Variants in CADPS2 observed in about 807,000 individuals in gnomAD.
CADPS2 encodes calcium dependent secretion activator 2, also known as calcium-dependent secretion activator 2.
A neutral mutation model predicts 172.5 loss-of-function variants in CADPS2; 93 were observed. The ratio of observed to expected loss-of-function variants is 0.54; its 90% CI spans 0.46 to 0.64. The LOEUF (loss-of-function observed/expected upper bound fraction) is 0.64, where lower values mean the gene tolerates loss of function less well. CADPS2 is among the 30% of genes least tolerant of loss of function. The pLI is 0.00. For synonymous variants in CADPS2, 546 were observed against 555.2 expected (o/e 0.98, Z 0.23); for missense variants, 1,420 against 1,565.9 (o/e 0.91, Z 1.57).
chr7:122,852,820 G>T (rs574740603), intron 1 of CADPS2, among the ~76,000 whole-genome samples: 1 of 152,210 alleles, frequency 6.6e-6, no homozygotes, highest in East Asian at 1.9e-4. Flanking sequence ...GAAGCAATCC[G>T]ACTTCTGTTA....
intron 2 of CADPS2, among the ~76,000 whole-genome samples, chr7:122,699,469 G>A (rs562977353): frequency 4.8e-4 from 73 of 152,238 alleles, no homozygotes; most frequent in Non-Finnish European, 8.7e-4. Context: ...AAAAATTAGT[G>A]CAGTGACCGG....
At chr7:122,519,658 A>G (rs2060631060) in intron 8 of CADPS2, among the ~76,000 whole-genome samples, 1 of 152,022 alleles carries the variant, frequency 6.6e-6, no homozygotes, top group South Asian at 2.1e-4. Context: ...AATATATTCC[A>G]GTTTCATTCA....
chr7:122,468,235 T>C (rs994680956), intron 14 of CADPS2, among the ~76,000 whole-genome samples: 1 of 152,182 alleles, frequency 6.6e-6, no homozygotes, highest in Non-Finnish European at 1.5e-5. Context: ...AAAACGACTC[T>C]TTGAATATGT....
intron 8 of CADPS2, among the ~76,000 whole-genome samples, chr7:122,520,371 A>T (rs1199099203): frequency 6.6e-6 from 1 of 151,932 alleles, no homozygotes; most frequent in Non-Finnish European, 1.5e-5. Context: ...TTCATATGTA[A>T]TATTCTGATT....
chr7:122,393,095 A>G (rs1298784913), intron 22 of CADPS2, 101 bp downstream of exon 22: 4 of 1,353,174 alleles, frequency 3.0e-6, no homozygotes, highest in Non-Finnish European at 3.9e-6. Flanking sequence ...TCCTCAACCA[A>G]CGATGACAAA....
intron 11 of CADPS2, among the ~76,000 whole-genome samples, chr7:122,483,268 A>G (rs555229171): frequency 2.6e-4 from 40 of 152,360 alleles, no homozygotes; most frequent in South Asian, 1.4e-3. Context: ...GGAAAAAAGG[A>G]CATTATTTAT....
intron 8 of CADPS2, among the ~76,000 whole-genome samples, chr7:122,551,975 A>G (rs1288457296): frequency 6.6e-6 from 1 of 152,172 alleles, no homozygotes; most frequent in Non-Finnish European, 1.5e-5. Context: ...GCTATGCTGT[A>G]GGTGAAATGT....
intron 27 of CADPS2, among the ~76,000 whole-genome samples, chr7:122,351,368 G>C (rs529410089): frequency 1.2e-4 from 2 of 17,056 alleles, no homozygotes; most frequent in African/African-American, 1.0e-3. Flanking sequence ...GCGAGACTCC[G>C]TCTCAAAAAA....
intron 12 of CADPS2, among the ~76,000 whole-genome samples, chr7:122,480,298 T>A (rs550803981): frequency 1.2e-4 from 7 of 58,102 alleles, no homozygotes; most frequent in African/African-American, 3.5e-4. Flanking sequence ...GATTTTATAA[T>A]TTTTTTTTTA....
rs2032014824 is a variant in CADPS2 at position 122,319,831 on chromosome 7, T to C, written c.*334A>G. 1 of 213,830 alleles carries C rather than the reference T, an allele frequency of 4.7e-6. No individual in the cohort carries two copies. The allele number at this position is 213,830 out of a possible 1,614,324, so 13.2% of individuals were successfully genotyped here. On this transcript the variant is annotated 3_prime_UTR_variant, in exon 30 of 30. Coordinates refer to ENST00000449022, the MANE Select transcript of CADPS2 (RefSeq NM_017954.11). ...CTTTACACAGAAAACATCATTTTGA[T>C]GTGATTACAGAAAAATGCTCAAATC...
chr7:122,773,113 T>C (rs1324335833), intron 1 of CADPS2, among the ~76,000 whole-genome samples: 2 of 152,106 alleles, frequency 1.3e-5, no homozygotes, highest in Non-Finnish European at 2.9e-5. Context: ...AAATGTCCAA[T>C]TGTTCTAGTA....
intron 1 of CADPS2, among the ~76,000 whole-genome samples, chr7:122,857,128 C>G (rs1400344875): frequency 6.6e-6 from 1 of 151,998 alleles, no homozygotes; most frequent in Admixed American, 6.6e-5. Context: ...GGATACAATG[C>G]TAAGGGAAAA....
At chr7:122,449,119 T>G (rs1276409512) in intron 15 of CADPS2, among the ~76,000 whole-genome samples, 1 of 152,058 alleles carries the variant, frequency 6.6e-6, no homozygotes, top group Non-Finnish European at 1.5e-5. Flanking sequence ...TTTAAAACAG[T>G]TGGAGGCAGG....
intron 2 of CADPS2, among the ~76,000 whole-genome samples, chr7:122,709,997 T>C (rs926800613): frequency 6.9e-6 from 1 of 145,724 alleles, no homozygotes; most frequent in Non-Finnish European, 1.5e-5. Context: ...GCATGGCACA[T>C]ATGTAACTAA....
chr7:122,381,589 G>C (rs1194488778), intron 24 of CADPS2, among the ~76,000 whole-genome samples: 1 of 152,076 alleles, frequency 6.6e-6, no homozygotes, highest in Non-Finnish European at 1.5e-5. Context: ...TTAAAATCAA[G>C]GGACGAGCCA....
intron 28 of CADPS2, among the ~76,000 whole-genome samples, chr7:122,340,855 TAAAA>T (rs5887084): frequency 6.5e-4 from 90 of 137,780 alleles, no homozygotes; most frequent in Non-Finnish European, 9.7e-4. Flanking sequence ...CCTTATGTGT[TAAAA>T]AAAAAAAAAA....
At chr7:122,788,823 G>A (rs143710594) in intron 1 of CADPS2, among the ~76,000 whole-genome samples, 3 of 152,248 alleles carry the variant, frequency 2.0e-5, no homozygotes, top group East Asian at 1.9e-4. Context: ...TGTTCCTTGC[G>A]TTCATTTGGG....
intron 1 of CADPS2, among the ~76,000 whole-genome samples, chr7:122,845,941 G>C (rs1811880079): frequency 6.6e-6 from 1 of 152,096 alleles, no homozygotes; most frequent in Non-Finnish European, 1.5e-5. Context: ...CCAACACGGT[G>C]GTCCCTCATT....
intron 8 of CADPS2, among the ~76,000 whole-genome samples, chr7:122,544,443 G>C (rs115232646): frequency 1.3e-5 from 2 of 152,048 alleles, no homozygotes; most frequent in Admixed American, 6.6e-5. Context: ...AAACGACAAC[G>C]ATTTATTATT....
Sources: allele counts gnomAD v4.1 joint callset (sites outside exome capture counted in the v4.1 genomes callset), GRCh38; gene constraint gnomAD v4.1.1; transcripts MANE v1.5; gene names NCBI Gene and HGNC (gene_info 2026-07-23, HGNC 2026-07-21).